The following RFC3 variants were observed in gnomAD, a reference collection of about 807,000 sequenced individuals.
RFC3 encodes A1 38 kDa subunit.
A neutral mutation model predicts 45.1 loss-of-function variants in RFC3; 41 were observed. The observed-to-expected ratio is 0.91, with a 90% CI of 0.71 to 1.18. The LOEUF is 1.18. RFC3 is among the 50% of genes most tolerant of loss of function. The pLI, the probability that RFC3 is intolerant of heterozygous loss-of-function variation, is 0.00. For synonymous variants in RFC3, 149 were observed against 144.0 expected (o/e 1.03, Z -0.25); for missense variants, 423 against 428.1 (o/e 0.99, Z 0.10).
At chr13:33,853,743 G>A (rs892905042) in intron 8 of RFC3, among the ~76,000 whole-genome samples, 7 of 152,124 alleles carry the variant, frequency 4.6e-5, no homozygotes, top group African/African-American at 2.4e-5. Flanking sequence ...ATCATAAATG[G>A]TGTATGGAAC....
downstream of RFC3, among the ~76,000 whole-genome samples, chr13:33,968,306 T>C (rs1235174768): frequency 2.6e-5 from 4 of 152,150 alleles, no homozygotes; most frequent in Non-Finnish European, 5.9e-5. Context: ...TTTTGTAATT[T>C]TCGTAGAGAC....
chr13:33,833,379 A>C (rs1047919315), intron 7 of RFC3, among the ~76,000 whole-genome samples: 4 of 151,994 alleles, frequency 2.6e-5, no homozygotes, highest in African/African-American at 7.2e-5. Context: ...TAAAAAAAAA[A>C]CCCTGACATT....
intron 8 of RFC3, among the ~76,000 whole-genome samples, chr13:33,866,954 A>G (rs554944511): frequency 2.0e-5 from 3 of 152,346 alleles, no homozygotes; most frequent in African/African-American, 7.2e-5. Flanking sequence ...ATATGTATAC[A>G]TAAGTGTGCA....
the RFC3 span, among the ~76,000 whole-genome samples, chr13:33,974,336 TTTGA>T: frequency 6.6e-6 from 1 of 152,244 alleles, no homozygotes; most frequent in South Asian, 2.1e-4. Flanking sequence ...CCAGTCTCAC[TTTGA>T]TTGTGTGTGG....
downstream of RFC3, among the ~76,000 whole-genome samples, chr13:33,839,182 A>G (rs1423208739): frequency 6.6e-6 from 1 of 152,162 alleles, no homozygotes; most frequent in South Asian, 2.1e-4. Flanking sequence ...CGTCAGTTAT[A>G]TGTGTGAGCT....
rs1459175636 is a variant in RFC3 at position 33,820,987 on chromosome 13, A to G, written c.88-145A>G. The G allele has an allele frequency of 8.0e-6, 4 of 502,078 alleles. No homozygotes were observed. In the East Asian group the frequency reaches 1.3e-4, roughly 16 times the overall value. 31.1% of individuals were successfully genotyped at this position (502,078 alleles called of 1,614,324 possible). A position where few individuals can be genotyped will look rare whatever the true frequency, so the allele number is the denominator to read the frequency against. ...ACCCATGAAACTCCAAGTTTTACAC[A>G]TATATAAAAAATTGGGTGTATCTAC... On this transcript the variant is annotated intron_variant, in intron 1 of 8. Coordinates refer to ENST00000380071, the MANE Select transcript of RFC3 (RefSeq NM_002915.4).
At chr13:33,964,324 T>C (rs1397020148) in intron 8 of RFC3, among the ~76,000 whole-genome samples, 2 of 152,186 alleles carry the variant, frequency 1.3e-5, no homozygotes, top group Non-Finnish European at 2.9e-5. Flanking sequence ...AATCATAAGC[T>C]ATAATGAAAA....
intron 3 of RFC3, among the ~76,000 whole-genome samples, chr13:33,825,490 T>G (rs1327576172): frequency 6.6e-6 from 1 of 152,196 alleles, no homozygotes; most frequent in Non-Finnish European, 1.5e-5. Context: ...TTTTCTATAG[T>G]CGGTACAGAA....
At chr13:33,868,119 T>C (rs1223094773) in intron 8 of RFC3, among the ~76,000 whole-genome samples, 1 of 152,220 alleles carries the variant, frequency 6.6e-6, no homozygotes, top group Non-Finnish European at 1.5e-5. Flanking sequence ...TTGCATCATA[T>C]GAGGCATAAG....
chr13:33,925,056 T>TAC (rs1215957426), intron 8 of RFC3, among the ~76,000 whole-genome samples: 2 of 142,922 alleles, frequency 1.4e-5, no homozygotes, highest in East Asian at 4.0e-4. Flanking sequence ...CATATATATA[T>TAC]ACACATATAT....
intron 8 of RFC3, among the ~76,000 whole-genome samples, chr13:33,911,383 C>G (rs755748138): frequency 1.1e-4 from 17 of 152,050 alleles, no homozygotes; most frequent in Non-Finnish European, 2.5e-4. Flanking sequence ...ATGACTTATA[C>G]TCTTTCTTAA....
At chr13:33,894,340 G>A (rs1233446454) in intron 8 of RFC3, among the ~76,000 whole-genome samples, 2 of 152,186 alleles carry the variant, frequency 1.3e-5, no homozygotes, top group Non-Finnish European at 2.9e-5. Flanking sequence ...GATGTGCTTT[G>A]CATGCACTTC....
chr13:33,905,451 A>G (rs1296270513), intron 8 of RFC3, among the ~76,000 whole-genome samples: 1 of 151,800 alleles, frequency 6.6e-6, no homozygotes, highest in African/African-American at 2.4e-5. Context: ...CATGAGTGTC[A>G]TAAGGCAAAA....
intron 8 of RFC3, among the ~76,000 whole-genome samples, chr13:33,941,968 C>A (rs8000731): frequency 0.01 from 1,587 of 152,176 alleles, 32 homozygotes; most frequent in African/African-American, 0.037. Context: ...TATTTTCTAT[C>A]TTCCTGTTCA....
chr13:33,861,605 A>G (rs1185527228), intron 8 of RFC3, among the ~76,000 whole-genome samples: 1 of 151,098 alleles, frequency 6.6e-6, no homozygotes, highest in South Asian at 2.1e-4. Context: ...AGATCATGCC[A>G]CTTCGTTCCA....
At chr13:33,841,844 C>A (rs2082201214), downstream of RFC3, among the ~76,000 whole-genome samples, 1 of 152,204 alleles carries the variant, frequency 6.6e-6, no homozygotes, top group Non-Finnish European at 1.5e-5. Context: ...GTCTCTACTG[C>A]ATGTCCTGGA....
intron 8 of RFC3, among the ~76,000 whole-genome samples, chr13:33,835,708 C>T (rs925727721): frequency 2.0e-5 from 3 of 152,076 alleles, no homozygotes; most frequent in African/African-American, 4.8e-5. Context: ...AGATTTACTT[C>T]GTTCTGTTAA....
intron 8 of RFC3, among the ~76,000 whole-genome samples, chr13:33,941,638 G>A (rs540622678): frequency 4.0e-5 from 6 of 151,866 alleles, no homozygotes; most frequent in South Asian, 2.1e-4. Flanking sequence ...TTCTTTCTTC[G>A]AAGCTGCCTG....
chr13:33,910,785 G>A (rs2082699357), intron 8 of RFC3, among the ~76,000 whole-genome samples: 1 of 152,072 alleles, frequency 6.6e-6, no homozygotes, highest in Admixed American at 6.6e-5. Flanking sequence ...TCCACAGGCT[G>A]TACAGGAATC....
Sources: gnomAD v4.1 joint callset for allele counts (sites outside exome capture counted in the v4.1 genomes callset) on GRCh38, gnomAD v4.1.1 for gene constraint, MANE v1.5 for transcripts, NCBI Gene and HGNC (gene_info 2026-07-23, HGNC 2026-07-21) for gene names.